The following MAGI3 variants were observed in gnomAD, a reference collection of about 807,000 sequenced individuals.
The protein encoded by MAGI3 is membrane associated guanylate kinase, WW and PDZ domain containing 3, also known as membrane-associated guanylate kinase, WW and PDZ domain-containing protein 3.
In MAGI3, 43 loss-of-function variants were observed where a neutral mutation model predicts 121.8. The observed-to-expected ratio is 0.35, with a 90% CI of 0.28 to 0.46. The LOEUF (loss-of-function observed/expected upper bound fraction) is 0.46, where lower values mean the gene tolerates loss of function less well. MAGI3 is among the 20% of genes least tolerant of loss of function. The probability of loss-of-function intolerance (pLI) is 1.00; values close to 1 mark genes in which losing one functional copy is unlikely to be tolerated. For synonymous variants in MAGI3, 553 were observed against 639.3 expected, an observed-to-expected ratio of 0.86 and a Z score of 2.04; for missense variants, 1,547 against 1,797.3, an observed-to-expected ratio of 0.86 and a Z score of 2.52.
At chr1:113,439,985 A>C (rs920906267) in intron 1 of MAGI3, among the ~76,000 whole-genome samples, 1 of 152,168 alleles carries the variant, frequency 6.6e-6, no homozygotes, top group Admixed American at 6.5e-5. Flanking sequence ...TGTGTAATGT[A>C]AAGAACATGG....
chr1:113,661,400 G>A (rs1276689007), intron 16 of MAGI3, among the ~76,000 whole-genome samples: 8 of 152,146 alleles, frequency 5.3e-5, no homozygotes, highest in African/African-American at 4.8e-5. Context: ...TCCAATTCTT[G>A]TAGATGAGGA....
At position 113,459,441 on chromosome 1, in the gene MAGI3, G is replaced by A. The variant is rs185706245; in HGVS notation, c.316+68092G>A. 1.9e-3 allele frequency among the ~76,000 whole-genome samples: 294 copies of A among 152,256 alleles called. 2 individuals are homozygous for A. The highest frequency in any genetic ancestry group is 6.6e-3 in the African/African-American group (274 of 41,552). On this transcript the variant is annotated intron_variant, in intron 1 of 20. Transcript: ENST00000307546. ...CTTTTAACTAAATGGGATGGTCTAG[G>A]ATCTTGTAACATATTGCACAATGAA...
At chr1:113,624,964 A>G (rs1281438279) in intron 9 of MAGI3, among the ~76,000 whole-genome samples, 1 of 152,168 alleles carries the variant, frequency 6.6e-6, no homozygotes, top group Non-Finnish European at 1.5e-5. Context: ...TGAAGAGACT[A>G]TCTTCTCCAA....
At chr1:113,521,088 A>ATTT (rs112195143) in intron 1 of MAGI3, among the ~76,000 whole-genome samples, 38 of 141,162 alleles carry the variant, frequency 2.7e-4, no homozygotes, top group Admixed American at 1.2e-3. Context: ...AGTGCTATTC[A>ATTT]TTTTTTTTTT....
At chr1:113,572,661 A>G (rs935443449) in intron 2 of MAGI3, among the ~76,000 whole-genome samples, 2 of 151,960 alleles carry the variant, frequency 1.3e-5, no homozygotes, top group African/African-American at 4.8e-5. Flanking sequence ...TTTCTTCTAG[A>G]TTTTCTAGTT....
At chr1:113,458,582 C>T (rs1352636707) in intron 1 of MAGI3, among the ~76,000 whole-genome samples, 3 of 152,198 alleles carry the variant, frequency 2.0e-5, no homozygotes, top group African/African-American at 7.2e-5. Flanking sequence ...ATGATCATAG[C>T]TCCCTGCAGC....
In MAGI3 at chr1:113,393,847, A is replaced by G. The variant is rs558539314; in HGVS notation, c.316+2498A>G. On this transcript the variant is annotated intron_variant, in intron 1 of 20. Coordinates refer to ENST00000307546, the MANE Select transcript of MAGI3 (RefSeq NM_001142782.2). The stretch of plus-strand genomic sequence containing the variant: ...CAGAAATTGATTTTTCAATTTAATA[A>G]GGTATTGTAAAGTGTACTTAGCACT... Among the ~76,000 whole-genome samples the G allele has an allele frequency of 2.0e-3, 312 of 152,330 alleles. 1 individual carries two copies. Among genetic ancestry groups the G allele is most frequent in the African/African-American group, 7.2e-3 (300 of 41,566 alleles).
intron 1 of MAGI3, among the ~76,000 whole-genome samples, chr1:113,503,218 TTAAAAAAAAAAAAAAAAAAAA>T (rs1657116349): frequency 4.3e-4 from 5 of 11,706 alleles, no homozygotes; most frequent in Non-Finnish European, 6.5e-4. Flanking sequence ...TAGAGTATAA[TTAAAAAAAAAAAAAAAAAAAA>T]AAAAAAAAAA....
chr1:113,494,895 GT>G (rs1417150484), intron 1 of MAGI3, among the ~76,000 whole-genome samples: 5 of 151,990 alleles, frequency 3.3e-5, no homozygotes, highest in Non-Finnish European at 5.9e-5. Context: ...TTGTTTACTT[GT>G]TTTTGTTATT....
At chr1:113,521,707 C>T (rs577719922) in intron 1 of MAGI3, among the ~76,000 whole-genome samples, 1 of 152,124 alleles carries the variant, frequency 6.6e-6, no homozygotes, top group Non-Finnish European at 1.5e-5. Context: ...CACCCAGCCA[C>T]AGTTAGTGCT....
Position 113,659,085 on chromosome 1 carries a change from C to T in MAGI3, c.2635C>T (p.Pro879Ser). ...TGGGGTTTTTTTTCCCATAGTTATT[C>T]CTCATAAAATTGGCCGAGTCATAGA... The part of the protein sequence containing the change: ...SKNKPPPGVI[P>S]HKIGRVIEGS... The change falls in exon 16 of 21, where the codon CCT becomes TCT. Residue 879 changes from proline (P) to serine (S), a missense_variant. Transcript: ENST00000307546. The T allele has an allele frequency of 6.2e-7, 1 of 1,601,958 alleles. No individual in the cohort carries two copies.
At chr1:113,567,896 A>G (rs1487458758) in intron 2 of MAGI3, among the ~76,000 whole-genome samples, 1 of 152,106 alleles carries the variant, frequency 6.6e-6, no homozygotes, top group Non-Finnish European at 1.5e-5. Flanking sequence ...AAAGGCATTC[A>G]ACTTAGAAAA....
intron 1 of MAGI3, among the ~76,000 whole-genome samples, chr1:113,450,974 G>C (rs151284097): frequency 0.023 from 3,531 of 152,238 alleles, 133 homozygotes; most frequent in African/African-American, 0.08. Context: ...ATGCAATGTA[G>C]TGTCAATTAG....
chr1:113,594,384 C>A, intron 5 of MAGI3, 97 bp from the exon 6 acceptor site: 1 of 824,078 alleles, frequency 1.2e-6, no homozygotes, highest in Non-Finnish European at 1.8e-6. Context: ...GATTAATGTT[C>A]AAACATCATG....
At position 113,505,512 on chromosome 1, in the gene MAGI3, T is replaced by TAATAAATAAATAAATAAATA. The variant is rs58511819; in HGVS notation, c.317-43978_317-43959dup. Reference sequence around the variant, plus strand: ...AAATAAGACATACAGGGTCCCTACATAATAAATAAATAAATAAATAAATAA... The same window carrying TAATAAATAAATAAATAAATA: ...AAATAAGACATACAGGGTCCCTACATAATAAATAAATAAATAAATAAATAAATAAATAAATAAATAAATAA... On this transcript the variant is annotated intron_variant, in intron 1 of 20. Transcript: ENST00000307546. 3.1e-3 allele frequency among the ~76,000 whole-genome samples: 417 copies of TAATAAATAAATAAATAAATA among 135,584 alleles called. 3 individuals are homozygous for TAATAAATAAATAAATAAATA. The highest frequency in any genetic ancestry group is 6.4e-3 in the East Asian group (30 of 4,708). The allele number at this position is 135,584 out of a possible 152,430, so 88.9% of individuals were successfully genotyped here.
chr1:113,468,136 T>C (rs6703760), intron 1 of MAGI3, among the ~76,000 whole-genome samples: 151,864 of 152,282 alleles, frequency 1, 75,725 homozygotes, highest in Middle Eastern at 1. Flanking sequence ...TTCTTATAGG[T>C]GGCATAAAGT....
intron 1 of MAGI3, among the ~76,000 whole-genome samples, chr1:113,461,652 A>T (rs368996939): frequency 3.2e-4 from 49 of 152,324 alleles, no homozygotes; most frequent in African/African-American, 1.1e-3. Flanking sequence ...ACCATCCTGG[A>T]CATAGAACCG....
rs768944012 is a variant in MAGI3, at chr1:113,673,305, T to C, written c.3046-17T>C. 3 of 1,605,530 alleles carry C rather than the reference T, an allele frequency of 1.9e-6. No individual in the cohort carries two copies. The East Asian group carries it at 6.7e-5, about 36-fold the overall frequency. On this transcript the variant is annotated splice_polypyrimidine_tract_variant and intron_variant, in intron 18 of 20. Transcript: ENST00000307546. ...AGTCCATGAGAACTTGCTTTTCTTA[T>C]ACTTCTTTCTCTCTAGAACCTTGGT...
chr1:113,391,261 G>A lies in MAGI3; in HGVS notation c.228G>A (p.Gly76=), dbSNP rs1426624617. The A allele has an allele frequency of 1.9e-6, 3 of 1,584,098 alleles. No homozygotes were observed. The highest frequency in any genetic ancestry group is 2.6e-6 in the Non-Finnish European group (3 of 1,166,162). Residue 76 remains glycine (G), a synonymous_variant, in exon 1 of 21, where the codon GGG becomes GGA. Transcript: ENST00000307546. The surrounding 1 kb of genome is among the most constrained non-coding windows in gnomAD (Gnocchi z 4.4). ...SPGDVLLEVN[G]TPVSGLTNRD... is the part of the protein sequence containing the mutation. ...GCGATGTGCTGCTGGAGGTAAACGG[G>A]ACGCCTGTCAGCGGGCTCACCAACC... is the stretch of plus-strand genomic sequence containing the variant.
Sources: allele counts gnomAD v4.1 joint callset (sites outside exome capture counted in the v4.1 genomes callset), GRCh38; gene constraint gnomAD v4.1.1; non-coding constraint Gnocchi (gnomAD v3.1); transcripts MANE v1.5; gene names NCBI Gene and HGNC (gene_info 2026-07-23, HGNC 2026-07-21).